LRFN5: variants seen among roughly 807,000 people sequenced by gnomAD.
LRFN5 encodes the protein leucine-rich repeat and fibronectin type-III domain-containing protein 5.
Under a neutral mutation model 45.6 loss-of-function variants are expected in LRFN5, and 24 were observed. The observed-to-expected ratio is 0.53, with a 90% CI of 0.38 to 0.74. The LOEUF (loss-of-function observed/expected upper bound fraction) is 0.74. LRFN5 is among the 30% of genes least tolerant of loss of function. LRFN5 has a pLI of 0.00. For missense variants in LRFN5, 776 were observed against 861.5 expected, an observed-to-expected ratio of 0.90 and a Z score of 1.24; for synonymous variants, 340 against 313.8, an observed-to-expected ratio of 1.08 and a Z score of -0.88.
chr14:41,803,285 C>T (rs986667153), intron 2 of LRFN5, among the ~76,000 whole-genome samples: 6 of 151,788 alleles, frequency 4.0e-5, no homozygotes, highest in Admixed American at 6.6e-5. Flanking sequence ...AACTACATAC[C>T]GTACCTACAG....
intron 1 of LRFN5, among the ~76,000 whole-genome samples, chr14:41,694,525 C>T (rs1882517080): frequency 6.6e-6 from 1 of 151,802 alleles, no homozygotes; most frequent in African/African-American, 2.4e-5. Context: ...ATATTTTGTT[C>T]TTTTTTAAGA....
intron 2 of LRFN5, among the ~76,000 whole-genome samples, chr14:41,868,588 A>G (rs958018292): frequency 4.6e-5 from 7 of 152,280 alleles, no homozygotes; most frequent in African/African-American, 1.2e-4. Flanking sequence ...GATGCATGGT[A>G]TGAATGGAAT....
intron 2 of LRFN5, among the ~76,000 whole-genome samples, chr14:41,876,169 G>A (rs548327218): frequency 3.3e-5 from 5 of 151,752 alleles, no homozygotes; most frequent in Admixed American, 1.3e-4. Context: ...ACCCAGAGAA[G>A]AATGCGTAAT....
chr14:41,883,268 C>G (rs1890451635), intron 2 of LRFN5, among the ~76,000 whole-genome samples: 1 of 151,948 alleles, frequency 6.6e-6, no homozygotes, highest in Non-Finnish European at 1.5e-5. Context: ...GCTTATCCAG[C>G]TTATTTTGTT....
At chr14:41,779,199 T>G (rs936133248) in intron 2 of LRFN5, among the ~76,000 whole-genome samples, 3 of 151,830 alleles carry the variant, frequency 2.0e-5, no homozygotes, top group Non-Finnish European at 4.4e-5. Flanking sequence ...AGAATTTTTA[T>G]TATGAAAAGA....
chr14:41,854,338 G>A (rs1594467776), intron 2 of LRFN5, among the ~76,000 whole-genome samples: 3 of 151,816 alleles, frequency 2.0e-5, no homozygotes, highest in Non-Finnish European at 2.9e-5. Context: ...TGGTGTATAT[G>A]TGCCACTTAA....
At chr14:41,617,299 T>C (rs1011574123) in intron 1 of LRFN5, among the ~76,000 whole-genome samples, 4 of 152,128 alleles carry the variant, frequency 2.6e-5, no homozygotes, top group Non-Finnish European at 5.9e-5. Context: ...TTTATCATGA[T>C]TGTCTCTGTT....
chr14:41,623,762 A>C (rs1394485720), intron 1 of LRFN5, among the ~76,000 whole-genome samples: 1 of 152,120 alleles, frequency 6.6e-6, no homozygotes, highest in Non-Finnish European at 1.5e-5. Flanking sequence ...CTTCAGGTCT[A>C]ACACATTCTT....
intron 2 of LRFN5, among the ~76,000 whole-genome samples, chr14:41,779,137 T>G (rs1886395446): frequency 6.6e-6 from 1 of 151,806 alleles, no homozygotes; most frequent in Non-Finnish European, 1.5e-5. Flanking sequence ...CTGTAGGTAT[T>G]TGGTAAATGT....
At chr14:41,726,511 T>C (rs8015451) in intron 1 of LRFN5, among the ~76,000 whole-genome samples, 41,210 of 152,058 alleles carry the variant, frequency 0.27, 5,955 homozygotes, top group South Asian at 0.42. Context: ...TGAATTTTCA[T>C]AGGGGCATTA....
At chr14:41,781,781 A>C in intron 2 of LRFN5, among the ~76,000 whole-genome samples, 1 of 152,074 alleles carries the variant, frequency 6.6e-6, no homozygotes, top group East Asian at 1.9e-4. Context: ...ATTTCTTTTT[A>C]CTTTTTGGAG....
Position 41,891,530 on chromosome 14 carries a change from A to G in LRFN5, c.1666A>G (p.Asn556Asp). The G allele has an allele frequency of 6.2e-7, 1 of 1,614,218 alleles. No homozygotes were observed. The highest frequency in any genetic ancestry group is 8.5e-7 in the Non-Finnish European group (1 of 1,180,036). The part of the protein sequence containing the change: ...IILMIRYKVC[N>D]NNGQHKVTKV... The stretch of plus-strand genomic sequence containing the variant: ...TCTGATGATCCGGTATAAGGTTTGC[A>G]ACAATAATGGGCAACACAAGGTCAC... The change falls in exon 4 of 6, where the codon AAC becomes GAC. Residue 556 changes from asparagine to aspartate, a missense_variant. Around this residue, in one of 2 missense-constraint regions of LRFN5, gnomAD observed 465 missense variants for 456.4 expected, o/e 1.02. Coordinates refer to ENST00000298119, the MANE Select transcript of LRFN5 (RefSeq NM_152447.5).
chr14:41,893,697 C>T (rs1890854401), intron 4 of LRFN5: 1 of 985,096 alleles, frequency 1.0e-6, no homozygotes, highest in Non-Finnish European at 1.2e-6. Context: ...ATCATGATGC[C>T]ATTCAATAGT....
chr14:41,903,731 T>G (rs1417010891), intron 5 of LRFN5, among the ~76,000 whole-genome samples: 1 of 151,946 alleles, frequency 6.6e-6, no homozygotes, highest in Non-Finnish European at 1.5e-5. Flanking sequence ...TTTGTAAAAT[T>G]TTAATATCAT....
At chr14:41,857,826 T>G (rs1252802118) in intron 2 of LRFN5, among the ~76,000 whole-genome samples, 1 of 152,168 alleles carries the variant, frequency 6.6e-6, no homozygotes, top group African/African-American at 2.4e-5. Flanking sequence ...GAAGACCTCA[T>G]AGACATGAGA....
At chr14:41,765,909 C>T (rs2138880258) in intron 1 of LRFN5, among the ~76,000 whole-genome samples, 1 of 152,152 alleles carries the variant, frequency 6.6e-6, no homozygotes, top group South Asian at 2.1e-4. Flanking sequence ...TATCTTAAGA[C>T]AATATAATCA....
At chr14:41,697,635 T>A (rs1882668262) in intron 1 of LRFN5, among the ~76,000 whole-genome samples, 1 of 151,576 alleles carries the variant, frequency 6.6e-6, no homozygotes, top group Non-Finnish European at 1.5e-5. Flanking sequence ...TATTAACTAA[T>A]ATGAATATAG....
At chr14:41,741,421 T>C (rs1884685536) in intron 1 of LRFN5, among the ~76,000 whole-genome samples, 1 of 151,764 alleles carries the variant, frequency 6.6e-6, no homozygotes, top group South Asian at 2.1e-4. Context: ...CAATTGATTT[T>C]CCACAAAGAT....
At chr14:41,833,192 G>A (rs1401802804) in intron 2 of LRFN5, among the ~76,000 whole-genome samples, 1 of 152,126 alleles carries the variant, frequency 6.6e-6, no homozygotes, top group Admixed American at 6.5e-5. Flanking sequence ...CAACCATTAT[G>A]ACAATGTTTT....
Sources: gnomAD v4.1 joint callset for allele counts (sites outside exome capture counted in the v4.1 genomes callset) on GRCh38, gnomAD v4.1.1 for gene constraint, gnomAD v4.1.1 regional missense constraint, MANE v1.5 for transcripts, NCBI Gene and HGNC (gene_info 2026-07-23, HGNC 2026-07-21) for gene names.